Variants in PPARGC1A observed in about 807,000 individuals in gnomAD.
PPARGC1A encodes the protein PPARG coactivator 1 alpha, also known as peroxisome proliferator-activated receptor gamma coactivator 1-alpha.
PPARGC1A carries 25 observed loss-of-function variants against 88.7 expected under a neutral mutation model. The observed-to-expected ratio is 0.28, with a 90% CI of 0.21 to 0.39. The LOEUF (loss-of-function observed/expected upper bound fraction) is 0.39, where lower values mean the gene tolerates loss of function less well. Ranked by LOEUF, PPARGC1A falls within the 10% of genes least tolerant of loss-of-function variation. PPARGC1A has a pLI of 1.00. For missense variants in PPARGC1A, 880 were observed against 968.7 expected, an observed-to-expected ratio of 0.91 and a Z score of 1.22; for synonymous variants, 363 against 355.6, an observed-to-expected ratio of 1.02 and a Z score of -0.24.
At chr4:24,281,472 C>T in the PPARGC1A span, among the ~76,000 whole-genome samples, 1 of 152,098 alleles carries the variant, frequency 6.6e-6, no homozygotes, top group Non-Finnish European at 1.5e-5. Flanking sequence ...GACCAGTTCT[C>T]ATGGGAACCA....
rs17847352 is a variant in PPARGC1A at position 23,794,171 on chromosome 4, A to C, written c.*1651T>G. On this transcript the variant is annotated 3_prime_UTR_variant, in exon 13 of 13. Coordinates refer to ENST00000264867, the MANE Select transcript of PPARGC1A (RefSeq NM_013261.5). The stretch of plus-strand genomic sequence containing the variant: ...ATTAAAATCACAAAAATTAAAACAA[A>C]ACAGCATTTTAAAAAGATTTTTGAC... The C allele has an allele frequency of 6.6e-6, 1 of 152,584 alleles. No homozygotes were observed. Among genetic ancestry groups the C allele is most frequent in the Non-Finnish European group, 1.5e-5 (1 of 68,018 alleles). The allele number at this position is 152,584 out of a possible 1,614,324, so 9.5% of individuals were successfully genotyped here. A position where few individuals can be genotyped will look rare whatever the true frequency, so the allele number is the denominator to read the frequency against.
At chr4:24,277,569 TATTG>T in the PPARGC1A span, among the ~76,000 whole-genome samples, 20 of 152,160 alleles carry the variant, frequency 1.3e-4, no homozygotes, top group Non-Finnish European at 2.5e-4. Flanking sequence ...CTCAGCACTC[TATTG>T]ATTATTACCT....
At chr4:23,968,500 T>G in the PPARGC1A span, among the ~76,000 whole-genome samples, 1 of 151,736 alleles carries the variant, frequency 6.6e-6, no homozygotes, top group Non-Finnish European at 1.5e-5. Context: ...TTTAGCACTC[T>G]TTAGTTTCCC....
chr4:24,074,312 G>A, the PPARGC1A span, among the ~76,000 whole-genome samples: 5 of 151,614 alleles, frequency 3.3e-5, no homozygotes, highest in African/African-American at 9.8e-5. Flanking sequence ...ACCAATTTCC[G>A]TTTCCTCATC....
chr4:23,947,384 TATATATATATATAA>T, the PPARGC1A span, among the ~76,000 whole-genome samples: 7 of 12,148 alleles, frequency 5.8e-4, no homozygotes, highest in Admixed American at 9.9e-4. Flanking sequence ...TATATATATA[TATATATATATATAA>T]AAAAAACGGT....
In PPARGC1A at chr4:23,884,945, A is replaced by G. The variant is rs749539165; in HGVS notation, c.55-14T>C. 1 of 1,489,450 alleles carries G rather than the reference A, an allele frequency of 6.7e-7. No homozygotes were observed. Among genetic ancestry groups the G allele is most frequent in the South Asian group, 1.4e-5 (1 of 73,586 alleles). The allele number at this position is 1,489,450 out of a possible 1,614,324, so 92.3% of individuals were successfully genotyped here. ...CAGAGCAGCACACTGCAGGAGGCAG[A>G]AAAAAAAAATTTAAAAAAGCTTCCA... On this transcript the variant is annotated splice_polypyrimidine_tract_variant and intron_variant, in intron 1 of 12. Coordinates refer to ENST00000264867, the MANE Select transcript of PPARGC1A (RefSeq NM_013261.5).
chr4:24,122,799 A>G, the PPARGC1A span, among the ~76,000 whole-genome samples: 1 of 152,190 alleles, frequency 6.6e-6, no homozygotes, highest in Non-Finnish European at 1.5e-5. Context: ...AATGATTAAG[A>G]GGAATTAACC....
At chr4:24,154,057 C>T in the PPARGC1A span, among the ~76,000 whole-genome samples, 8 of 152,206 alleles carry the variant, frequency 5.3e-5, no homozygotes, top group Admixed American at 5.2e-4. Context: ...CCCAAACCCA[C>T]TTTTCCCATG....
chr4:24,123,924 A>ACC, the PPARGC1A span, among the ~76,000 whole-genome samples: 2 of 150,268 alleles, frequency 1.3e-5, no homozygotes, highest in South Asian at 4.2e-4. Context: ...AAAAAAAAAA[A>ACC]ACAAAAAAAA....
At chr4:24,089,616 T>C in the PPARGC1A span, among the ~76,000 whole-genome samples, 1 of 150,612 alleles carries the variant, frequency 6.6e-6, no homozygotes, top group African/African-American at 2.5e-5. Flanking sequence ...GTTCACGCCA[T>C]TCTCGTGTCT....
At chr4:23,934,656 C>G in the PPARGC1A span, among the ~76,000 whole-genome samples, 2 of 152,236 alleles carry the variant, frequency 1.3e-5, no homozygotes, top group South Asian at 4.2e-4. Flanking sequence ...GTGGCCCATG[C>G]TGGTGAAGCT....
chr4:23,903,316 A>G, upstream of PPARGC1A, among the ~76,000 whole-genome samples: 1 of 152,148 alleles, frequency 6.6e-6, no homozygotes, highest in Admixed American at 6.6e-5. Context: ...CAAGAATGTA[A>G]TTTACACCCT....
At chr4:24,120,518 G>T in the PPARGC1A span, among the ~76,000 whole-genome samples, 1 of 152,158 alleles carries the variant, frequency 6.6e-6, no homozygotes, top group Non-Finnish European at 1.5e-5. Flanking sequence ...CCATTTTATA[G>T]ATGAGAAAAT....
the PPARGC1A span, among the ~76,000 whole-genome samples, chr4:24,330,407 T>G: frequency 6.6e-6 from 1 of 152,318 alleles, no homozygotes; most frequent in Non-Finnish European, 1.5e-5. Flanking sequence ...TCGAGCTGGT[T>G]GCAGGGAGAG....
Position 23,813,998 on chromosome 4 carries a change from G to A in PPARGC1A, c.1485C>T (p.Ser495=). The change falls in exon 8 of 13, where the codon TCC becomes TCT. Residue 495 remains serine (S), a synonymous_variant. Coordinates refer to ENST00000264867, the MANE Select transcript of PPARGC1A (RefSeq NM_013261.5). ...RDSDFSNEQF[S]KLPMFINSGL... ...CTGAATTTATAAACATAGGTAGTTT[G>A]GAGAATTGTTCATTACTGAAATCAC... The A allele has an allele frequency of 6.2e-7, 1 of 1,614,044 alleles. No homozygotes were observed. Among genetic ancestry groups the A allele is most frequent in the Non-Finnish European group, 8.5e-7 (1 of 1,179,946 alleles).
the PPARGC1A span, among the ~76,000 whole-genome samples, chr4:24,004,414 G>T: frequency 6.6e-6 from 1 of 152,296 alleles, no homozygotes; most frequent in Non-Finnish European, 1.5e-5. Flanking sequence ...CACATCAGTT[G>T]GGATGATTAA....
At chr4:24,184,025 G>C in the PPARGC1A span, among the ~76,000 whole-genome samples, 1 of 152,158 alleles carries the variant, frequency 6.6e-6, no homozygotes, top group Admixed American at 6.5e-5. Context: ...GATATCTTCT[G>C]TCCAACTCTC....
intron 7 of PPARGC1A, among the ~76,000 whole-genome samples, chr4:23,819,632 C>G (rs1009303662): frequency 6.6e-6 from 1 of 152,086 alleles, no homozygotes; most frequent in African/African-American, 2.4e-5. Flanking sequence ...AGGATGGTAC[C>G]ATTTCCAGAG....
At chr4:23,991,251 G>T in the PPARGC1A span, among the ~76,000 whole-genome samples, 1 of 152,020 alleles carries the variant, frequency 6.6e-6, no homozygotes, top group Non-Finnish European at 1.5e-5. Flanking sequence ...GGATGTAAAA[G>T]TCCAATGAAA....
Sources: allele counts gnomAD v4.1 joint callset (sites outside exome capture counted in the v4.1 genomes callset), GRCh38; gene constraint gnomAD v4.1.1; transcripts MANE v1.5; gene names NCBI Gene and HGNC (gene_info 2026-07-23, HGNC 2026-07-21).